The following MGST1 variants were observed in gnomAD, a reference collection of about 807,000 sequenced individuals.
MGST1 encodes the protein glutathione S-transferase 12.
A neutral mutation model predicts 8.9 loss-of-function variants in MGST1; 5 were observed. That is an observed-to-expected ratio of 0.56 (90% CI 0.29 to 1.19). The LOEUF (loss-of-function observed/expected upper bound fraction) is 1.19. MGST1 is among the 50% of genes most tolerant of loss of function. The pLI, the probability that MGST1 is intolerant of heterozygous loss-of-function variation, is 0.08. For missense variants in MGST1, 182 were observed against 187.4 expected (o/e 0.97, Z 0.17); for synonymous variants, 54 against 67.8 (o/e 0.80, Z 1.00).
chr12:16,414,509 G>A (rs1016972357), intron 1 of MGST1, among the ~76,000 whole-genome samples: 4 of 151,290 alleles, frequency 2.6e-5, no homozygotes, highest in African/African-American at 7.3e-5. Flanking sequence ...TCCATCTCCC[G>A]GGTTCACACC....
At position 16,447,985 on chromosome 12, in the gene MGST1, G is replaced by A. The variant is rs139107217; in HGVS notation, n.482+64381G>A. Among the ~76,000 whole-genome samples, 107 of 151,962 alleles carry A rather than the reference G, an allele frequency of 7.0e-4. 2 individuals are homozygous for A. Among genetic ancestry groups the A allele is most frequent in the African/African-American group, 2.5e-3 (105 of 41,514 alleles). On this transcript the variant is annotated intron_variant and non_coding_transcript_variant, in intron 4 of 4. Coordinates refer to the MGST1 transcript ENST00000538857. The stretch of plus-strand genomic sequence containing the variant: ...TGCATCTGGACATCTTGTATGTTCT[G>A]ATGAATACACTGAGTAGGCATTGGG...
At chr12:16,516,925 T>A (rs1288492364) in intron 4 of MGST1, among the ~76,000 whole-genome samples, 3 of 152,202 alleles carry the variant, frequency 2.0e-5, no homozygotes, top group South Asian at 2.1e-4. Flanking sequence ...TAACTTACAA[T>A]TAGCGAGTGT....
intron 4 of MGST1, among the ~76,000 whole-genome samples, chr12:16,486,191 T>A (rs932867006): frequency 6.6e-6 from 1 of 152,214 alleles, no homozygotes. Context: ...CTTGACAGAA[T>A]TTTTCCATTG....
chr12:16,472,128 T>C (rs34391), intron 4 of MGST1, among the ~76,000 whole-genome samples: 6,417 of 152,190 alleles, frequency 0.042, 473 homozygotes, highest in African/African-American at 0.15. Flanking sequence ...TTATACCCAT[T>C]CTTCTATAAG....
At chr12:16,422,354 T>C (rs1940845905) in intron 1 of MGST1, among the ~76,000 whole-genome samples, 1 of 152,130 alleles carries the variant, frequency 6.6e-6, no homozygotes. Context: ...GTGGGAGAAG[T>C]TCCCCTTACT....
chr12:16,428,073 AAAT>A (rs1323901152), intron 1 of MGST1, among the ~76,000 whole-genome samples: 14 of 151,838 alleles, frequency 9.2e-5, no homozygotes, highest in African/African-American at 3.4e-4. Context: ...TTTTTTAAAA[AAAT>A]TATTTTCCCA....
intron 4 of MGST1, among the ~76,000 whole-genome samples, chr12:16,450,498 A>G (rs1363968204): frequency 1.3e-5 from 2 of 151,972 alleles, no homozygotes; most frequent in Admixed American, 6.6e-5. Flanking sequence ...CAGAGCCTTG[A>G]TAACAGTCAG....
intron 4 of MGST1, among the ~76,000 whole-genome samples, chr12:16,588,224 AAAGT>A (rs1398625960): frequency 2.6e-5 from 4 of 152,020 alleles, no homozygotes; most frequent in Non-Finnish European, 4.4e-5. Flanking sequence ...AATGTATAAT[AAAGT>A]ATTTACAATT....
rs1315654999 is a variant in MGST1 at position 16,566,021 on chromosome 12, T to C, written n.483-23507T>C. On this transcript the variant is annotated intron_variant and non_coding_transcript_variant, in intron 4 of 4. Transcript: ENST00000538857. ...ATATATATATATATATATATATATA[T>C]ATATATATATATATATATAAAATGG... Among the ~76,000 whole-genome samples, 3 of 79,152 alleles carry C rather than the reference T, an allele frequency of 3.8e-5. 1 individual carries two copies. In the South Asian group the frequency reaches 1.3e-3, roughly 33 times the overall value. 51.9% of individuals were successfully genotyped at this position (79,152 alleles called of 152,430 possible). A position where few individuals can be genotyped will look rare whatever the true frequency, so the allele number is the denominator to read the frequency against.
intron 4 of MGST1, among the ~76,000 whole-genome samples, chr12:16,501,663 G>T (rs1941506929): frequency 6.6e-6 from 1 of 152,024 alleles, no homozygotes; most frequent in Admixed American, 6.6e-5. Context: ...ACTAAAGGAG[G>T]GCATTTAGTT....
intron 1 of MGST1, among the ~76,000 whole-genome samples, chr12:16,394,513 CCTTTCTTTCTTTCTTTCTTTCTTT>C (rs766001588): frequency 0.013 from 1,135 of 84,444 alleles, 23 homozygotes; most frequent in Admixed American, 0.026. Flanking sequence ...TCTTTCTCTC[CCTTTCTTTCTTTCTTTCTTTCTTT>C]CTTTCTTTCT....
At position 16,352,233 on chromosome 12, in the gene MGST1, A is replaced by G. The variant is rs77856263; in HGVS notation, c.-22-1998A>G. ...TTGAACACATAGCAAGCTCTAATAA[A>G]GCTAAGTATATATGTATGTGGTTTT... On this transcript the variant is annotated intron_variant, in intron 1 of 3. Coordinates refer to ENST00000396210, the MANE Select transcript of MGST1 (RefSeq NM_020300.5). Among the ~76,000 whole-genome samples, 571 of 152,344 alleles carry G rather than the reference A, an allele frequency of 3.7e-3. 3 individuals are homozygous for G. Among genetic ancestry groups the G allele is most frequent in the African/African-American group, 0.013 (549 of 41,576 alleles).
In MGST1 at chr12:16,586,887, C is replaced by T. The variant is rs989596465; in HGVS notation, n.483-2641C>T. On this transcript the variant is annotated intron_variant and non_coding_transcript_variant, in intron 4 of 4. Transcript: ENST00000538857. This position sits in a 1 kb window ranked among gnomAD's most constrained non-coding sequence, Gnocchi z 4.3. ...TTTAAAATGGTAAAATTAGACAATA[C>T]GTCTCATCTAAATTCATGGAATTCT... is the stretch of plus-strand genomic sequence containing the variant. Among the ~76,000 whole-genome samples, 2 of 152,126 alleles carry T rather than the reference C, an allele frequency of 1.3e-5. No homozygotes were observed. The highest frequency in any genetic ancestry group is 2.4e-5 in the African/African-American group (1 of 41,416).
intron 4 of MGST1, among the ~76,000 whole-genome samples, chr12:16,554,120 T>C (rs537443111): frequency 2.6e-5 from 4 of 152,174 alleles, no homozygotes; most frequent in African/African-American, 9.7e-5. Flanking sequence ...TTTCTAGATA[T>C]TTTTGAGTGA....
At chr12:16,390,616 A>G (rs1940542874) in intron 1 of MGST1, among the ~76,000 whole-genome samples, 1 of 152,174 alleles carries the variant, frequency 6.6e-6, no homozygotes, top group African/African-American at 2.4e-5. Context: ...TGTTCCAATA[A>G]AAGACACAAT....
chr12:16,376,175 G>A (rs1396169253), exon 4 of MGST1: 10 of 1,053,458 alleles, frequency 9.5e-6, no homozygotes, highest in Admixed American at 4.5e-5. Context: ...AGTTTAACTC[G>A]GCATAACCAA....
intron 1 of MGST1, among the ~76,000 whole-genome samples, chr12:16,353,046 GA>G (rs934334730): frequency 6.7e-5 from 10 of 150,236 alleles, no homozygotes; most frequent in East Asian, 2.0e-4. Context: ...TTTTTTTTTG[GA>G]GGGGGAGACA....
chr12:16,377,806 T>G (rs1260040495), downstream of MGST1, among the ~76,000 whole-genome samples: 1 of 151,512 alleles, frequency 6.6e-6, no homozygotes, highest in Non-Finnish European at 1.5e-5. Context: ...CTCCAGCACC[T>G]GTTGTTTCCT....
At chr12:16,394,986 C>G (rs886438997) in intron 1 of MGST1, among the ~76,000 whole-genome samples, 1 of 151,940 alleles carries the variant, frequency 6.6e-6, no homozygotes, top group Non-Finnish European at 1.5e-5. Context: ...TATATTCTCT[C>G]AATGGACAGC....
Sources: allele counts gnomAD v4.1 joint callset (sites outside exome capture counted in the v4.1 genomes callset), GRCh38; gene constraint gnomAD v4.1.1; non-coding constraint Gnocchi (gnomAD v3.1); transcripts MANE v1.5; gene names NCBI Gene and HGNC (gene_info 2026-07-23, HGNC 2026-07-21).